ELMO1: variants seen among roughly 807,000 people sequenced by gnomAD.
The protein encoded by ELMO1 is engulfment and cell motility protein 1.
Under a neutral mutation model 98.9 loss-of-function variants are expected in ELMO1, and 26 were observed. That is an observed-to-expected ratio of 0.26 (90% CI 0.19 to 0.36). The LOEUF (loss-of-function observed/expected upper bound fraction) is 0.36. ELMO1 is among the 10% of genes least tolerant of loss of function. The pLI is 1.00. For synonymous variants in ELMO1, 346 were observed against 346.0 expected (o/e 1.00, Z 0.00); for missense variants, 627 against 935.2 (o/e 0.67, Z 4.30).
chr7:37,329,610 C>T (rs1799996504), intron 2 of ELMO1, among the ~76,000 whole-genome samples: 1 of 152,150 alleles, frequency 6.6e-6, no homozygotes, highest in Non-Finnish European at 1.5e-5. Context: ...AGGAGATATG[C>T]TGACACCTGA....
chr7:37,097,333 T>C (rs2129258514), intron 14 of ELMO1, among the ~76,000 whole-genome samples: 2 of 152,004 alleles, frequency 1.3e-5, no homozygotes, highest in Middle Eastern at 6.8e-3. Context: ...AGGTCAGGAG[T>C]TGGAGACCAG....
intron 16 of ELMO1, among the ~76,000 whole-genome samples, chr7:36,896,559 T>C (rs1449717619): frequency 6.6e-6 from 1 of 152,210 alleles, no homozygotes; most frequent in Non-Finnish European, 1.5e-5. Context: ...ATTAGCTGCT[T>C]TGAACCTGGG....
chr7:37,245,587 T>C (rs761074674), intron 6 of ELMO1, among the ~76,000 whole-genome samples: 2 of 152,152 alleles, frequency 1.3e-5, no homozygotes, highest in African/African-American at 2.4e-5. Context: ...TATTTACTAT[T>C]TCCCATCCTT....
At chr7:36,999,810 T>G (rs776878444) in intron 16 of ELMO1, among the ~76,000 whole-genome samples, 92 of 152,202 alleles carry the variant, frequency 6.0e-4, no homozygotes, top group Admixed American at 1.1e-3. Context: ...AATCTCTCTC[T>G]TGATTTCTCA....
At chr7:36,863,920 T>G (rs1421071227) in intron 20 of ELMO1, among the ~76,000 whole-genome samples, 1 of 152,250 alleles carries the variant, frequency 6.6e-6, no homozygotes, top group Non-Finnish European at 1.5e-5. Context: ...TTACTAATCT[T>G]AGAGTCATTT....
chr7:37,307,158 G>A (rs1243528111), intron 4 of ELMO1, among the ~76,000 whole-genome samples: 1 of 152,280 alleles, frequency 6.6e-6, no homozygotes, highest in Non-Finnish European at 1.5e-5. Flanking sequence ...CTAAAATTAG[G>A]TATGTCCAAA....
intron 13 of ELMO1, among the ~76,000 whole-genome samples, chr7:37,210,928 C>T (rs747823996): frequency 2.0e-5 from 3 of 151,938 alleles, no homozygotes; most frequent in Non-Finnish European, 2.9e-5. Flanking sequence ...CAAGAGAGAC[C>T]TTTTAAGAAA....
At chr7:36,881,844 A>C (rs1045070287) in intron 18 of ELMO1, among the ~76,000 whole-genome samples, 1 of 152,222 alleles carries the variant, frequency 6.6e-6, no homozygotes, top group African/African-American at 2.4e-5. Flanking sequence ...AATTCTCTGT[A>C]TCTGTTTTAT....
At chr7:36,869,423 A>T (rs767351740) in intron 20 of ELMO1, among the ~76,000 whole-genome samples, 5 of 152,220 alleles carry the variant, frequency 3.3e-5, no homozygotes, top group Non-Finnish European at 7.3e-5. Context: ...TCCCTGTCTT[A>T]TAACAATAGA....
At chr7:37,289,745 A>AT (rs1209017752) in intron 4 of ELMO1, among the ~76,000 whole-genome samples, 3 of 149,688 alleles carry the variant, frequency 2.0e-5, no homozygotes, top group Admixed American at 6.8e-5. Context: ...TGCATTCGAG[A>AT]TTTTTTTCCC....
At chr7:36,906,057 CA>C (rs1202189039) in intron 16 of ELMO1, among the ~76,000 whole-genome samples, 1 of 152,194 alleles carries the variant, frequency 6.6e-6, no homozygotes, top group Non-Finnish European at 1.5e-5. Flanking sequence ...AGCAAGACCA[CA>C]GGGGAAATGA....
intron 2 of ELMO1, among the ~76,000 whole-genome samples, chr7:37,330,822 A>G (rs1800063598): frequency 6.6e-6 from 1 of 152,136 alleles, no homozygotes; most frequent in Non-Finnish European, 1.5e-5. Context: ...TCTCTTGGGT[A>G]TATCTGAAAT....
intron 16 of ELMO1, among the ~76,000 whole-genome samples, chr7:36,902,874 T>G (rs928888707): frequency 2.6e-5 from 4 of 152,162 alleles, no homozygotes; most frequent in Non-Finnish European, 5.9e-5. Flanking sequence ...TTCATGTCAT[T>G]CTCATTGACC....
intron 14 of ELMO1, among the ~76,000 whole-genome samples, chr7:37,107,983 T>C (rs920062357): frequency 3.1e-4 from 47 of 152,298 alleles, no homozygotes; most frequent in African/African-American, 1.1e-3. Context: ...GGACAAATAA[T>C]AAATTGGCCA....
chr7:36,973,587 T>C (rs977891049), intron 16 of ELMO1, among the ~76,000 whole-genome samples: 1 of 151,926 alleles, frequency 6.6e-6, no homozygotes, highest in Non-Finnish European at 1.5e-5. Flanking sequence ...GTGCTGGCAG[T>C]CCTCACAGCC....
chr7:37,199,381 A>G (rs1792156279), intron 13 of ELMO1, among the ~76,000 whole-genome samples: 2 of 152,160 alleles, frequency 1.3e-5, no homozygotes, highest in Non-Finnish European at 2.9e-5. Flanking sequence ...TGGGAGGCTG[A>G]GGTGGGAGGT....
intron 13 of ELMO1, among the ~76,000 whole-genome samples, chr7:37,137,371 A>G (rs868515816): frequency 2.6e-5 from 4 of 152,338 alleles, no homozygotes; most frequent in Middle Eastern, 6.8e-3. Context: ...TCATCAAGAC[A>G]GAAAGTCAAC....
At chr7:36,898,268 T>G (rs1243111568) in intron 16 of ELMO1, among the ~76,000 whole-genome samples, 1 of 152,146 alleles carries the variant, frequency 6.6e-6, no homozygotes, top group Admixed American at 6.5e-5. Context: ...CATCACACCC[T>G]TTACCATTTG....
At chr7:37,330,867 A>G (rs982417479) in intron 2 of ELMO1, among the ~76,000 whole-genome samples, 2 of 152,142 alleles carry the variant, frequency 1.3e-5, no homozygotes, top group African/African-American at 4.8e-5. Flanking sequence ...TGAAGCCATT[A>G]TTAAGTAAAA....
Sources: allele counts gnomAD v4.1 joint callset (sites outside exome capture counted in the v4.1 genomes callset), GRCh38; gene constraint gnomAD v4.1.1; transcripts MANE v1.5; gene names NCBI Gene and HGNC (gene_info 2026-07-23, HGNC 2026-07-21).